The following KHDRBS2 variants were observed in gnomAD, a reference collection of about 807,000 sequenced individuals.
The protein encoded by KHDRBS2 is KH RNA binding domain containing, signal transduction associated 2, also known as KH domain-containing, RNA-binding, signal transduction-associated protein 2.
KHDRBS2 carries 26 observed loss-of-function variants against 44.3 expected under a neutral mutation model. That is an observed-to-expected ratio of 0.59 (90% CI 0.43 to 0.81). The LOEUF (loss-of-function observed/expected upper bound fraction) is 0.81, where lower values mean the gene tolerates loss of function less well. Among genes scored for constraint, KHDRBS2 ranks in the 40% least tolerant of loss-of-function variants. KHDRBS2 has a pLI of 0.00. For synonymous variants in KHDRBS2, 194 were observed against 151.1 expected, an observed-to-expected ratio of 1.28 and a Z score of -2.08; for missense variants, 476 against 433.1, an observed-to-expected ratio of 1.10 and a Z score of -0.88.
rs766709837 is a variant in KHDRBS2, at chr6:62,122,464, C to T, written c.219+54721G>A. 4.6e-5 allele frequency among the ~76,000 whole-genome samples: 7 copies of T among 152,154 alleles called. No homozygotes were observed. In the East Asian group the frequency reaches 1.4e-3, roughly 29 times the overall value. ...TGGGCTTGTGCAGCAGCATTCCATTCCGTCATCAAATGGAAGTGGTAAATA... is the reference window on the plus strand; with the variant it reads ...TGGGCTTGTGCAGCAGCATTCCATTTCGTCATCAAATGGAAGTGGTAAATA... On this transcript the variant is annotated intron_variant, in intron 2 of 8. Coordinates refer to ENST00000281156, the MANE Select transcript of KHDRBS2 (RefSeq NM_152688.4).
intron 6 of KHDRBS2, among the ~76,000 whole-genome samples, chr6:61,771,147 G>C (rs1024185291): frequency 2.0e-5 from 3 of 152,304 alleles, no homozygotes; most frequent in Non-Finnish European, 4.4e-5. Context: ...GAGAGATTTT[G>C]TCACCACCAG....
At chr6:61,831,638 T>C (rs1041625900) in intron 6 of KHDRBS2, among the ~76,000 whole-genome samples, 1 of 152,162 alleles carries the variant, frequency 6.6e-6, no homozygotes, top group Non-Finnish European at 1.5e-5. Context: ...ATGTAATTAA[T>C]ATGCTCAGTG....
At chr6:61,818,247 C>A (rs1789292732) in intron 6 of KHDRBS2, among the ~76,000 whole-genome samples, 5 of 123,398 alleles carry the variant, frequency 4.1e-5, no homozygotes, top group East Asian at 2.2e-4. Context: ...GAATATTGGG[C>A]AGAGAAAACC....
chr6:61,816,991 A>C (rs1244541768), intron 6 of KHDRBS2: 1 of 455,790 alleles, frequency 2.2e-6, no homozygotes, highest in South Asian at 1.5e-5. Context: ...AAAACAAGGA[A>C]AGTGGTAATG....
intron 1 of KHDRBS2, among the ~76,000 whole-genome samples, chr6:62,201,641 T>G (rs749825980): frequency 6.6e-6 from 1 of 152,070 alleles, no homozygotes; most frequent in Non-Finnish European, 1.5e-5. Flanking sequence ...AAGTTTCACT[T>G]TCGCTTTGGA....
At chr6:62,098,850 C>T (rs1189584235) in intron 2 of KHDRBS2, among the ~76,000 whole-genome samples, 1 of 152,078 alleles carries the variant, frequency 6.6e-6, no homozygotes, top group Non-Finnish European at 1.5e-5. Context: ...TTTTTCCCCT[C>T]CATGTATTTC....
At chr6:62,212,498 T>G (rs1829235901) in intron 1 of KHDRBS2, among the ~76,000 whole-genome samples, 1 of 152,044 alleles carries the variant, frequency 6.6e-6, no homozygotes, top group Non-Finnish European at 1.5e-5. Flanking sequence ...AATATGACCT[T>G]TTTGGAAATA....
At chr6:62,091,057 G>C (rs1799406295) in intron 2 of KHDRBS2, among the ~76,000 whole-genome samples, 1 of 152,098 alleles carries the variant, frequency 6.6e-6, no homozygotes, top group Non-Finnish European at 1.5e-5. Flanking sequence ...TTGCAACCTA[G>C]CTGTTGCTCT....
intron 5 of KHDRBS2, among the ~76,000 whole-genome samples, chr6:61,899,580 T>A (rs1803545734): frequency 6.6e-6 from 1 of 151,918 alleles, no homozygotes; most frequent in Admixed American, 6.6e-5. Context: ...TGGATTAAAA[T>A]CTTAGAATAA....
chr6:61,873,634 GA>G (rs35126124), intron 6 of KHDRBS2, among the ~76,000 whole-genome samples: 3 of 146,248 alleles, frequency 2.1e-5, no homozygotes, highest in Non-Finnish European at 3.0e-5. Context: ...AGCAAAAAAA[GA>G]AAAAAAAAAA....
chr6:62,067,450 A>G (rs1400437496), intron 2 of KHDRBS2, among the ~76,000 whole-genome samples: 1 of 151,560 alleles, frequency 6.6e-6, no homozygotes, highest in African/African-American at 2.4e-5. Context: ...TTAAATTGTC[A>G]TGGCTGCTAA....
chr6:61,993,673 A>ATATATATAT (rs1425839225), intron 3 of KHDRBS2, among the ~76,000 whole-genome samples: 1 of 115,692 alleles, frequency 8.6e-6, no homozygotes, highest in African/African-American at 3.2e-5. Flanking sequence ...ATATATATAT[A>ATATATATAT]TTTTTTTTTT....
chr6:61,656,878 C>A, the KHDRBS2 span, among the ~76,000 whole-genome samples: 3 of 151,924 alleles, frequency 2.0e-5, no homozygotes, highest in African/African-American at 4.8e-5. Context: ...TTTTATGCCA[C>A]CCAATATGAA....
the KHDRBS2 span, among the ~76,000 whole-genome samples, chr6:61,545,909 G>A: frequency 1.2e-4 from 19 of 152,032 alleles, no homozygotes; most frequent in African/African-American, 1.7e-4. Context: ...TCAACCCAAG[G>A]GGAGAGGCCT....
chr6:61,645,646 T>C, the KHDRBS2 span, among the ~76,000 whole-genome samples: 1 of 152,142 alleles, frequency 6.6e-6, no homozygotes, highest in Non-Finnish European at 1.5e-5. Context: ...AAGATGTAAC[T>C]GTGTGTGGAA....
chr6:62,141,879 TATTATC>T (rs745598355), intron 2 of KHDRBS2, among the ~76,000 whole-genome samples: 80 of 152,152 alleles, frequency 5.3e-4, no homozygotes, highest in Non-Finnish European at 9.1e-4. Context: ...ATCTAAAACA[TATTATC>T]TTGTGTGATT....
the KHDRBS2 span, among the ~76,000 whole-genome samples, chr6:61,555,982 G>A: frequency 6.6e-6 from 1 of 152,216 alleles, no homozygotes; most frequent in Admixed American, 6.5e-5. Flanking sequence ...TGGCAGTGGG[G>A]TTCATGCTCG....
intron 6 of KHDRBS2, among the ~76,000 whole-genome samples, chr6:61,826,400 C>T (rs955060653): frequency 2.6e-5 from 4 of 152,052 alleles, no homozygotes; most frequent in Admixed American, 6.6e-5. Flanking sequence ...TTCTGATGGG[C>T]CAAGGTTTGA....
intron 4 of KHDRBS2, among the ~76,000 whole-genome samples, chr6:61,908,093 C>A (rs1805356685): frequency 2.0e-5 from 3 of 151,970 alleles, no homozygotes; most frequent in Admixed American, 2.0e-4. Flanking sequence ...CATAGATATT[C>A]ATTAAAAAGT....
Sources: gnomAD v4.1 joint callset for allele counts (sites outside exome capture counted in the v4.1 genomes callset) on GRCh38, gnomAD v4.1.1 for gene constraint, MANE v1.5 for transcripts, NCBI Gene and HGNC (gene_info 2026-07-23, HGNC 2026-07-21) for gene names.